Variants in NBAS observed in about 807,000 individuals in gnomAD.
The protein encoded by NBAS is NBAS subunit of NRZ tethering complex.
Under a neutral mutation model 302.5 loss-of-function variants are expected in NBAS, and 219 were observed. The ratio of observed to expected loss-of-function variants is 0.72; its 90% CI spans 0.65 to 0.81. The LOEUF (loss-of-function observed/expected upper bound fraction) is 0.81, where lower values mean the gene tolerates loss of function less well. Among genes scored for constraint, NBAS ranks in the 30% least tolerant of loss-of-function variants. The probability of loss-of-function intolerance (pLI) is 0.00; values close to 1 mark genes in which losing one functional copy is unlikely to be tolerated. For synonymous variants in NBAS, 1,118 were observed against 1,021.6 expected (o/e 1.09, Z -1.80); for missense variants, 2,932 against 2,841.6 (o/e 1.03, Z -0.72).
the NBAS span, among the ~76,000 whole-genome samples, chr2:14,950,312 A>G: frequency 6.6e-6 from 1 of 152,132 alleles, no homozygotes; most frequent in Admixed American, 6.5e-5. Flanking sequence ...ATAGTCTCCA[A>G]TCTCATCCAG....
intron 11 of NBAS, among the ~76,000 whole-genome samples, chr2:15,497,982 T>C (rs1681130990): frequency 6.6e-6 from 1 of 152,200 alleles, no homozygotes; most frequent in South Asian, 2.1e-4. Flanking sequence ...ATCTAACAAA[T>C]TATTAAAGGA....
At chr2:15,114,070 A>G in the NBAS span, among the ~76,000 whole-genome samples, 1 of 152,230 alleles carries the variant, frequency 6.6e-6, no homozygotes, top group African/African-American at 2.4e-5. Context: ...TACAGGAATC[A>G]ATCAGCAAAC....
At chr2:14,796,473 T>G in the NBAS span, among the ~76,000 whole-genome samples, 1 of 152,200 alleles carries the variant, frequency 6.6e-6, no homozygotes, top group Non-Finnish European at 1.5e-5. Flanking sequence ...TCATAAATAT[T>G]GTGTATCATA....
At chr2:15,469,767 C>A (rs1269861334) in intron 16 of NBAS, among the ~76,000 whole-genome samples, 3 of 142,054 alleles carry the variant, frequency 2.1e-5, no homozygotes, top group African/African-American at 7.9e-5. Context: ...TGTTCTCACT[C>A]ATAGGTGGGA....
At chr2:15,313,213 C>T (rs1277773515) in intron 38 of NBAS, among the ~76,000 whole-genome samples, 2 of 152,158 alleles carry the variant, frequency 1.3e-5, no homozygotes, top group African/African-American at 2.4e-5. Flanking sequence ...AGTCTGCTAT[C>T]CAAACTCTCT....
At chr2:15,490,664 T>A (rs1047914318) in intron 11 of NBAS, among the ~76,000 whole-genome samples, 4 of 152,148 alleles carry the variant, frequency 2.6e-5, no homozygotes, top group Admixed American at 1.3e-4. Flanking sequence ...GAGATTAAAG[T>A]CCTGAAGGGC....
At chr2:15,207,924 A>G (rs1029783157) in intron 48 of NBAS, among the ~76,000 whole-genome samples, 3 of 152,244 alleles carry the variant, frequency 2.0e-5, no homozygotes, top group South Asian at 2.1e-4. Context: ...GACAAAAACT[A>G]TAAGAAGAAA....
In NBAS at chr2:15,374,699, T is replaced by TC. The variant is rs761520773; in HGVS notation, c.3611_3612insG (p.Asp1205ArgfsTer20). 1 of 1,613,872 alleles carries TC rather than the reference T, an allele frequency of 6.2e-7. No homozygotes were observed. Among genetic ancestry groups the TC allele is most frequent in the Non-Finnish European group, 8.5e-7 (1 of 1,179,804 alleles). ...CCTCTTGAATGGCAGGGGGTCTGTC[T>TC]GTTATCAGTTGTAAGCAGCACCTAG... On this transcript the variant is annotated frameshift_variant, in exon 31 of 52. Transcript: ENST00000281513. LOFTEE classifies it high-confidence loss of function.
intron 41 of NBAS, 146 bp downstream of exon 41, chr2:15,292,391 T>C (rs1410621109): frequency 1.2e-6 from 1 of 817,604 alleles, no homozygotes; most frequent in East Asian, 2.7e-5. Context: ...ACATCCCACA[T>C]AAGACTAGAT....
chr2:14,907,508 T>C, the NBAS span: 4 of 152,228 alleles, frequency 2.6e-5, no homozygotes, highest in African/African-American at 4.8e-5. Context: ...AAAATACATA[T>C]GAAGCAGCGA....
At chr2:15,440,419 C>G (rs1488522069) in intron 21 of NBAS, among the ~76,000 whole-genome samples, 4 of 152,186 alleles carry the variant, frequency 2.6e-5, no homozygotes, top group Non-Finnish European at 5.9e-5. Flanking sequence ...GGACCTCTAC[C>G]AAACTCCAAC....
In NBAS at chr2:15,458,908, T is replaced by C. The variant is rs1203975243; in HGVS notation, c.2339+2293A>G. 5.9e-5 allele frequency among the ~76,000 whole-genome samples: 9 copies of C among 152,338 alleles called. No individual in the cohort carries two copies. In the East Asian group the frequency reaches 1.7e-3, roughly 29 times the overall value. On this transcript the variant is annotated intron_variant, in intron 21 of 51. Transcript: ENST00000281513. ...CTTAAGAACTCATAAGAAATCAGTCTCTTCAAAGTTTGTCTAAACAACATA... is the reference window on the plus strand; with the variant it reads ...CTTAAGAACTCATAAGAAATCAGTCCCTTCAAAGTTTGTCTAAACAACATA...
At chr2:14,849,009 C>T in the NBAS span, among the ~76,000 whole-genome samples, 125 of 151,100 alleles carry the variant, frequency 8.3e-4, no homozygotes, top group African/African-American at 2.5e-3. Context: ...AACTCTAAAA[C>T]GCAGAGCGCC....
At chr2:15,461,393 A>AT in intron 20 of NBAS, 56 bp from the exon 21 acceptor site, 5 of 1,571,146 alleles carry the variant, frequency 3.2e-6, no homozygotes, top group Non-Finnish European at 4.4e-6. Flanking sequence ...TAAAGGAGTG[A>AT]TTTTATATGA....
chr2:15,220,954 A>T (rs1027050090), intron 47 of NBAS, among the ~76,000 whole-genome samples: 2 of 152,214 alleles, frequency 1.3e-5, no homozygotes, highest in African/African-American at 4.8e-5. Flanking sequence ...ATGCTATCTT[A>T]TGGCAATTTA....
chr2:14,970,436 T>C, the NBAS span, among the ~76,000 whole-genome samples: 1 of 152,218 alleles, frequency 6.6e-6, no homozygotes, highest in South Asian at 2.1e-4. Context: ...TGTCTTCATC[T>C]GTATAATGGG....
intron 44 of NBAS, among the ~76,000 whole-genome samples, chr2:15,270,633 T>A (rs1396321316): frequency 1.3e-5 from 2 of 152,140 alleles, no homozygotes; most frequent in Non-Finnish European, 2.9e-5. Context: ...AGTACCTACT[T>A]TATACTGTGC....
In NBAS at chr2:15,352,097, G is replaced by A; in HGVS notation, c.4090-16C>T. 1.9e-6 allele frequency: 3 copies of A among 1,551,402 alleles called. No homozygotes were observed. The highest frequency in any genetic ancestry group is 2.7e-6 in the Non-Finnish European group (3 of 1,124,074). On this transcript the variant is annotated splice_polypyrimidine_tract_variant and intron_variant, in intron 34 of 51. Coordinates refer to ENST00000281513, the MANE Select transcript of NBAS (RefSeq NM_015909.4). ...GATAAAGAATCTAAAACAAGAATAG[G>A]CTATATTGTAAAGGAGTTACGTTTT...
the NBAS span, among the ~76,000 whole-genome samples, chr2:14,783,934 C>T: frequency 2.1e-4 from 32 of 151,664 alleles, no homozygotes; most frequent in African/African-American, 6.8e-4. Context: ...TACAGTCCCA[C>T]CAACAGTGTA....
Sources: gnomAD v4.1 joint callset for allele counts (sites outside exome capture counted in the v4.1 genomes callset) on GRCh38, gnomAD v4.1.1 for gene constraint, MANE v1.5 for transcripts, NCBI Gene and HGNC (gene_info 2026-07-23, HGNC 2026-07-21) for gene names.